Variants in KCNC2 observed in about 807,000 individuals in gnomAD.
KCNC2 encodes potassium voltage-gated channel subfamily C member 2.
A neutral mutation model predicts 44.5 loss-of-function variants in KCNC2; 21 were observed. That is an observed-to-expected ratio of 0.47 (90% CI 0.33 to 0.68). The LOEUF (loss-of-function observed/expected upper bound fraction) is 0.68, where lower values mean the gene tolerates loss of function less well. Among genes scored for constraint, KCNC2 ranks in the 30% least tolerant of loss-of-function variants. The pLI, the probability that KCNC2 is intolerant of heterozygous loss-of-function variation, is 0.01. For missense variants in KCNC2, 589 were observed against 826.2 expected (o/e 0.71, Z 3.52); for synonymous variants, 391 against 339.1 (o/e 1.15, Z -1.68).
At chr12:75,117,829 TAA>T (rs886070967) in intron 2 of KCNC2, among the ~76,000 whole-genome samples, 1 of 152,168 alleles carries the variant, frequency 6.6e-6, no homozygotes, top group Admixed American at 6.5e-5. Flanking sequence ...AGGTAATACT[TAA>T]AAGTGTTTAA....
chr12:75,159,378 AG>A (rs1389359210), intron 2 of KCNC2, among the ~76,000 whole-genome samples: 4 of 151,892 alleles, frequency 2.6e-5, no homozygotes, highest in African/African-American at 7.2e-5. Context: ...CCCCAATAAA[AG>A]TTCCTTAAGT....
At chr12:75,124,741 T>A (rs1410831996) in intron 2 of KCNC2, 1 of 152,216 alleles carries the variant, frequency 6.6e-6, no homozygotes, top group Admixed American at 6.5e-5. Flanking sequence ...CACCAAAATT[T>A]ATCATTCTTG....
chr12:75,112,146 A>C (rs1887306412), intron 2 of KCNC2, among the ~76,000 whole-genome samples: 1 of 151,930 alleles, frequency 6.6e-6, no homozygotes, highest in Non-Finnish European at 1.5e-5. Context: ...TAATGTGAAA[A>C]ATACAAAAAT....
intron 2 of KCNC2, among the ~76,000 whole-genome samples, chr12:75,134,871 T>TTCTCCATAGCTAGTCTGATTA (rs1243979665): frequency 5.6e-4 from 85 of 152,058 alleles, no homozygotes; most frequent in Non-Finnish European, 1.0e-3. Flanking sequence ...CATATTATGC[T>TTCTCCATAGCTAGTCTGATTA]TCTCCATAGC....
chr12:75,115,503 A>G (rs1366089251), intron 2 of KCNC2, among the ~76,000 whole-genome samples: 1 of 152,166 alleles, frequency 6.6e-6, no homozygotes, highest in African/African-American at 2.4e-5. Flanking sequence ...TTATGCTCCC[A>G]TATCAAAAAC....
At chr12:75,158,254 T>C (rs1890890527) in intron 2 of KCNC2, among the ~76,000 whole-genome samples, 1 of 151,908 alleles carries the variant, frequency 6.6e-6, no homozygotes, top group Non-Finnish European at 1.5e-5. Flanking sequence ...AGCCAAAAAA[T>C]GTTGTTCTAA....
intron 2 of KCNC2, among the ~76,000 whole-genome samples, chr12:75,054,709 T>C (rs1881553540): frequency 6.6e-6 from 1 of 152,014 alleles, no homozygotes; most frequent in Admixed American, 6.6e-5. Flanking sequence ...GTCATAAAAA[T>C]AAGAATGCCA....
At chr12:75,105,561 T>A (rs1451647673) in intron 2 of KCNC2, among the ~76,000 whole-genome samples, 2 of 152,184 alleles carry the variant, frequency 1.3e-5, no homozygotes, top group Non-Finnish European at 2.9e-5. Flanking sequence ...ACTGGTGAAA[T>A]GATATGGGCT....
intron 2 of KCNC2, among the ~76,000 whole-genome samples, chr12:75,087,100 A>G (rs1885092175): frequency 6.6e-6 from 1 of 152,122 alleles, no homozygotes; most frequent in African/African-American, 2.4e-5. Flanking sequence ...TAAACAATTA[A>G]TGATAACTCT....
At chr12:75,176,800 G>C (rs1892215364) in intron 2 of KCNC2, among the ~76,000 whole-genome samples, 1 of 151,680 alleles carries the variant, frequency 6.6e-6, no homozygotes, top group African/African-American at 2.4e-5. Context: ...TGTGACCTTT[G>C]AAACAGTAAT....
chr12:75,080,321 T>C (rs1276154238), intron 2 of KCNC2, among the ~76,000 whole-genome samples: 1 of 152,076 alleles, frequency 6.6e-6, no homozygotes, highest in Non-Finnish European at 1.5e-5. Context: ...GAAACTGTTT[T>C]GTTTTAAATA....
At chr12:75,188,128 C>T (rs2029873451) in intron 2 of KCNC2, among the ~76,000 whole-genome samples, 2 of 152,156 alleles carry the variant, frequency 1.3e-5, no homozygotes, top group South Asian at 4.1e-4. Context: ...TCACCTCTGG[C>T]AAGGACCCAG....
intron 4 of KCNC2, among the ~76,000 whole-genome samples, chr12:75,045,823 G>T (rs76224171): frequency 6.6e-6 from 1 of 151,718 alleles, no homozygotes; most frequent in Non-Finnish European, 1.5e-5. Flanking sequence ...GCCCAATTAC[G>T]TTCATATTTT....
chr12:75,143,917 C>T (rs1889833565), intron 2 of KCNC2, among the ~76,000 whole-genome samples: 1 of 152,088 alleles, frequency 6.6e-6, no homozygotes, highest in Non-Finnish European at 1.5e-5. Flanking sequence ...AATATTTTTT[C>T]TAATATGTCT....
At chr12:75,105,102 G>C (rs1053087509) in intron 2 of KCNC2, among the ~76,000 whole-genome samples, 3 of 152,076 alleles carry the variant, frequency 2.0e-5, no homozygotes, top group Non-Finnish European at 4.4e-5. Flanking sequence ...AAGTCATTTG[G>C]ATAATAATAA....
chr12:75,155,407 C>G (rs1009492341), intron 2 of KCNC2, among the ~76,000 whole-genome samples: 1 of 151,576 alleles, frequency 6.6e-6, no homozygotes, highest in East Asian at 2.0e-4. Flanking sequence ...TCAAAACAAG[C>G]TGTAAAAAAA....
At chr12:75,203,065 G>C (rs1353522694) in intron 2 of KCNC2, among the ~76,000 whole-genome samples, 1 of 151,624 alleles carries the variant, frequency 6.6e-6, no homozygotes, top group Admixed American at 6.6e-5. Flanking sequence ...TTATGAATAA[G>C]CTATATTTAG....
chr12:75,187,475 T>A (rs1893030488), intron 2 of KCNC2, among the ~76,000 whole-genome samples: 2 of 152,230 alleles, frequency 1.3e-5, no homozygotes, highest in Non-Finnish European at 2.9e-5. Flanking sequence ...TTTGTCCCAA[T>A]ATTCTCACAT....
At chr12:75,106,048 A>T (rs1886755490) in intron 2 of KCNC2, among the ~76,000 whole-genome samples, 1 of 152,110 alleles carries the variant, frequency 6.6e-6, no homozygotes, top group Non-Finnish European at 1.5e-5. Context: ...ACAGTAAAAG[A>T]GACTAAGAAG....
Sources: allele counts gnomAD v4.1 joint callset (sites outside exome capture counted in the v4.1 genomes callset), GRCh38; gene constraint gnomAD v4.1.1; transcripts MANE v1.5; gene names NCBI Gene and HGNC (gene_info 2026-07-23, HGNC 2026-07-21).